CREBL2: variants seen among roughly 807,000 people sequenced by gnomAD.
CREBL2 encodes the protein cAMP-responsive element-binding protein-like 2.
In CREBL2, 4 loss-of-function variants were observed where a neutral mutation model predicts 19.5. The ratio of observed to expected loss-of-function variants is 0.20; its 90% CI spans 0.10 to 0.47. The LOEUF (loss-of-function observed/expected upper bound fraction) is 0.47, where lower values mean the gene tolerates loss of function less well. Among genes scored for constraint, CREBL2 ranks in the 20% least tolerant of loss-of-function variants. CREBL2 has a pLI of 0.98. For missense variants in CREBL2, 85 were observed against 145.1 expected (o/e 0.59, Z 2.13); for synonymous variants, 42 against 46.6 (o/e 0.90, Z 0.40).
At chr12:12,638,985 C>T (rs919310423) in intron 3 of CREBL2, among the ~76,000 whole-genome samples, 5 of 152,168 alleles carry the variant, frequency 3.3e-5, no homozygotes, top group Non-Finnish European at 7.4e-5. Flanking sequence ...CTTCCCCCAA[C>T]CCCTGGCAAC....
In CREBL2 at chr12:12,641,253, A is replaced by ATTATTATTT. The variant is rs1478394376; in HGVS notation, c.359-739_359-738insATTATTTTT. ...TATTATTATTATTATTATTATTATT[A>ATTATTATTT]TTTTTTTTTATTTTTTTTTTTTTTA... On this transcript the variant is annotated intron_variant, in intron 3 of 3. Coordinates refer to ENST00000228865, the MANE Select transcript of CREBL2 (RefSeq NM_001310.4). Among the ~76,000 whole-genome samples the ATTATTATTT allele has an allele frequency of 4.1e-4, 32 of 78,238 alleles. 1 individual carries two copies. Among genetic ancestry groups the ATTATTATTT allele is most frequent in the African/African-American group, 1.3e-3 (28 of 20,878 alleles). 51.3% of individuals were successfully genotyped at this position (78,238 alleles called of 152,430 possible).
intron 1 of CREBL2, among the ~76,000 whole-genome samples, chr12:12,622,313 C>T (rs533450438): frequency 1.3e-5 from 2 of 152,078 alleles, no homozygotes; most frequent in Middle Eastern, 3.2e-3. Context: ...GTTGATGCGG[C>T]GTGCATAAAA....
chr12:12,613,970 CTTTCTTT>C (rs1344678933), intron 1 of CREBL2, among the ~76,000 whole-genome samples: 2 of 112,266 alleles, frequency 1.8e-5, no homozygotes, highest in African/African-American at 6.4e-5. Flanking sequence ...CATCACACTT[CTTTCTTT>C]TTTCTTTTTT....
chr12:12,633,396 T>C (rs1945454551), intron 1 of CREBL2, among the ~76,000 whole-genome samples: 1 of 151,994 alleles, frequency 6.6e-6, no homozygotes, highest in Non-Finnish European at 1.5e-5. Context: ...GATCGCGCCA[T>C]TGCATTCCAG....
intron 1 of CREBL2, among the ~76,000 whole-genome samples, chr12:12,622,448 G>A (rs552128257): frequency 5.3e-5 from 8 of 152,214 alleles, no homozygotes; most frequent in African/African-American, 1.9e-4. Flanking sequence ...GGTCAGTGAC[G>A]TAAGAGAACC....
chr12:12,626,721 A>C (rs1945404657), intron 1 of CREBL2, among the ~76,000 whole-genome samples: 1 of 152,092 alleles, frequency 6.6e-6, no homozygotes, highest in Non-Finnish European at 1.5e-5. Context: ...ACTGTGGTAC[A>C]TCCCTCTGGC....
chr12:12,617,582 C>G (rs1424979666), intron 1 of CREBL2, among the ~76,000 whole-genome samples: 1 of 143,070 alleles, frequency 7.0e-6, no homozygotes, highest in Non-Finnish European at 1.5e-5. Context: ...TATTACCTAA[C>G]AGTGATTCCT....
At chr12:12,635,395 G>C (rs1426431882) in intron 1 of CREBL2, among the ~76,000 whole-genome samples, 1 of 150,152 alleles carries the variant, frequency 6.7e-6, no homozygotes, top group Non-Finnish European at 1.5e-5. Flanking sequence ...AAATTGTCAT[G>C]AACAAAATAT....
intron 3 of CREBL2, 138 bp from the exon 4 acceptor site, chr12:12,641,856 T>C: frequency 2.2e-6 from 1 of 462,426 alleles, no homozygotes. Context: ...AAATCAGCTT[T>C]TTTTTAGTCT....
At chr12:12,637,422 G>C in intron 2 of CREBL2, 148 bp from the exon 3 acceptor site, 1 of 341,304 alleles carries the variant, frequency 2.9e-6, no homozygotes, top group Non-Finnish European at 4.8e-6. Flanking sequence ...ACCATGGAGG[G>C]TGGGATTCCC....
intron 1 of CREBL2, among the ~76,000 whole-genome samples, chr12:12,620,768 C>G (rs1015480250): frequency 4.6e-5 from 7 of 152,162 alleles, no homozygotes; most frequent in Non-Finnish European, 2.9e-5. Flanking sequence ...CTGATATGTA[C>G]GAGGCATTGT....
At chr12:12,630,317 T>G (rs1346883726) in intron 1 of CREBL2, among the ~76,000 whole-genome samples, 1 of 152,180 alleles carries the variant, frequency 6.6e-6, no homozygotes, top group Non-Finnish European at 1.5e-5. Context: ...TCTTCTTGAG[T>G]CTGTTTTGCT....
At chr12:12,640,551 T>C (rs745529900) in intron 3 of CREBL2, among the ~76,000 whole-genome samples, 3 of 152,204 alleles carry the variant, frequency 2.0e-5, no homozygotes, top group Non-Finnish European at 2.9e-5. Context: ...AACACAATTA[T>C]CACAGTGGTC....
At position 12,639,447 on chromosome 12, in the gene CREBL2, A is replaced by G. The variant is rs536143934; in HGVS notation, c.358+1733A>G. Among the ~76,000 whole-genome samples, 53 of 152,334 alleles carry G rather than the reference A, an allele frequency of 3.5e-4. No individual in the cohort carries two copies. In the South Asian group the frequency reaches 0.011, roughly 32 times the overall value. ...TGTATGTCTGCTCCAATTTGTCCAC[A>G]TCTCATCAACTTATTTTCCATTTTT... On this transcript the variant is annotated intron_variant, in intron 3 of 3. Transcript: ENST00000228865.
At chr12:12,624,518 G>A (rs182706508) in intron 1 of CREBL2, among the ~76,000 whole-genome samples, 2 of 152,332 alleles carry the variant, frequency 1.3e-5, no homozygotes, top group Non-Finnish European at 2.9e-5. Context: ...CTTGCAGGAG[G>A]GAGCATGTGA....
chr12:12,644,658 T>TA lies in CREBL2; in HGVS notation c.*2664dup, dbSNP rs946251158. 6.5e-6 allele frequency: 1 copy of TA among 152,674 alleles called. No individual in the cohort carries two copies. Among genetic ancestry groups the TA allele is most frequent in the Non-Finnish European group, 1.5e-5 (1 of 68,042 alleles). 9.5% of individuals were successfully genotyped at this position (152,674 alleles called of 1,614,324 possible). On this transcript the variant is annotated 3_prime_UTR_variant, in exon 4 of 4. Coordinates refer to ENST00000228865, the MANE Select transcript of CREBL2 (RefSeq NM_001310.4). ...TCTTTAAAAAGTTTTCTATTTTATCTAAAATCTTTCCATTATATCTAAATT... is the reference window on the plus strand; with the variant it reads ...TCTTTAAAAAGTTTTCTATTTTATCTAAAAATCTTTCCATTATATCTAAATT...
At chr12:12,619,787 T>C (rs1029393848) in intron 1 of CREBL2, among the ~76,000 whole-genome samples, 3 of 152,242 alleles carry the variant, frequency 2.0e-5, no homozygotes, top group Admixed American at 1.3e-4. Context: ...CAAGATCCAG[T>C]TGAGGGACTG....
chr12:12,623,729 C>A (rs1417170534), intron 1 of CREBL2, among the ~76,000 whole-genome samples: 1 of 152,166 alleles, frequency 6.6e-6, no homozygotes, highest in Non-Finnish European at 1.5e-5. Context: ...TCCCTGGAAC[C>A]TGTGGTTATC....
chr12:12,632,968 T>C (rs112115464), intron 1 of CREBL2, among the ~76,000 whole-genome samples: 2 of 151,362 alleles, frequency 1.3e-5, no homozygotes, highest in African/African-American at 4.8e-5. Context: ...GGTCTTGCTC[T>C]TGTCATCTAG....
Sources: gnomAD v4.1 joint callset for allele counts (sites outside exome capture counted in the v4.1 genomes callset) on GRCh38, gnomAD v4.1.1 for gene constraint, MANE v1.5 for transcripts, NCBI Gene and HGNC (gene_info 2026-07-23, HGNC 2026-07-21) for gene names.